MBD5: variants seen among roughly 807,000 people sequenced by gnomAD.
The protein encoded by MBD5 is methyl-CpG-binding domain protein 5.
MBD5 carries 13 observed loss-of-function variants against 117.3 expected under a neutral mutation model. The observed-to-expected ratio is 0.11, with a 90% confidence interval of 0.07 to 0.18. The LOEUF is 0.18. Ranked by LOEUF, MBD5 falls within the 10% of genes least tolerant of loss-of-function variation. The pLI is 1.00. For synonymous variants in MBD5, 727 were observed against 766.4 expected, an observed-to-expected ratio of 0.95 and a Z score of 0.85; for missense variants, 1,879 against 2,093.8, an observed-to-expected ratio of 0.90 and a Z score of 2.00.
rs1364618613 is a variant in MBD5 at position 148,477,899 on chromosome 2, C to G, written c.2519-5211C>G. ...TATTAATTTAGAAAAGGTTTCTTAG[C>G]ATAAAGTAGTATTTGTTCAAAATTA... On this transcript the variant is annotated intron_variant, in intron 8 of 13. Coordinates refer to ENST00000642680, the MANE Select transcript of MBD5 (RefSeq NM_001378120.1). Among the ~76,000 whole-genome samples, 4 of 152,060 alleles carry G rather than the reference C, an allele frequency of 2.6e-5. No individual in the cohort carries two copies. In the South Asian group the frequency reaches 6.2e-4, roughly 24 times the overall value.
chr2:148,037,227 C>T (rs963318616), intron 1 of MBD5, among the ~76,000 whole-genome samples: 1 of 151,852 alleles, frequency 6.6e-6, no homozygotes, highest in African/African-American at 2.4e-5. Flanking sequence ...TTTCAAATAA[C>T]CAAGTATTGA....
chr2:148,362,109 G>T (rs1337779358), intron 4 of MBD5, among the ~76,000 whole-genome samples: 1 of 152,176 alleles, frequency 6.6e-6, no homozygotes, highest in Non-Finnish European at 1.5e-5. Context: ...TCATACCCCA[G>T]TGGCCCCTGG....
At chr2:148,505,059 C>G (rs1389313332) in intron 12 of MBD5, among the ~76,000 whole-genome samples, 1 of 152,042 alleles carries the variant, frequency 6.6e-6, no homozygotes, top group East Asian at 1.9e-4. Context: ...AAACCAGGAG[C>G]TGGTGGAGTT....
intron 3 of MBD5, among the ~76,000 whole-genome samples, chr2:148,280,235 G>C (rs905062247): frequency 1.3e-5 from 2 of 149,934 alleles, no homozygotes; most frequent in Non-Finnish European, 3.0e-5. Context: ...GTCTAAAATT[G>C]CTTAGTGTAT....
intron 12 of MBD5, among the ~76,000 whole-genome samples, chr2:148,508,252 G>C (rs1189518608): frequency 6.6e-6 from 1 of 151,916 alleles, no homozygotes; most frequent in Non-Finnish European, 1.5e-5. Flanking sequence ...AACTGGAATG[G>C]GTAGGTAAAA....
intron 1 of MBD5, among the ~76,000 whole-genome samples, chr2:148,171,962 C>T (rs1333650372): frequency 6.6e-6 from 1 of 152,206 alleles, no homozygotes; most frequent in Non-Finnish European, 1.5e-5. Flanking sequence ...CACTTGACAC[C>T]AGGAGTTCAT....
rs931323324 is a variant in MBD5, at chr2:148,200,212, C to G, written c.-831+21419C>G. 2.0e-5 allele frequency among the ~76,000 whole-genome samples: 3 copies of G among 149,426 alleles called. No individual in the cohort carries two copies. The Admixed American group carries it at 2.0e-4, about 10-fold the overall frequency. Reference sequence around the variant, plus strand: ...TTTTCCCCCCTAAGATTTAAATTTTCTAATGCATATGTAATCTACATATTT... The same window carrying G: ...TTTTCCCCCCTAAGATTTAAATTTTGTAATGCATATGTAATCTACATATTT... On this transcript the variant is annotated intron_variant, in intron 2 of 13. Coordinates refer to ENST00000642680, the MANE Select transcript of MBD5 (RefSeq NM_001378120.1).
intron 2 of MBD5, among the ~76,000 whole-genome samples, chr2:148,213,404 C>A (rs971637756): frequency 3.3e-5 from 5 of 151,988 alleles, no homozygotes; most frequent in Admixed American, 6.6e-5. Flanking sequence ...AGTAAATGAT[C>A]TGCTTTTATT....
chr2:148,143,031 T>A (rs1220081457), intron 1 of MBD5, among the ~76,000 whole-genome samples: 1 of 152,206 alleles, frequency 6.6e-6, no homozygotes, highest in Non-Finnish European at 1.5e-5. Flanking sequence ...TGGGTAGAAA[T>A]GGCAATTATA....
In MBD5 at chr2:148,157,563, T is replaced by C. The variant is rs893166775; in HGVS notation, c.-924-21137T>C. 3.3e-5 allele frequency among the ~76,000 whole-genome samples: 5 copies of C among 152,148 alleles called. No homozygotes were observed. In the South Asian group the frequency reaches 1.0e-3, roughly 31 times the overall value. ...ATAGCAGCCTGCAAAGCATCCGCCA[T>C]AAAAACTACTACAAATGCCTCATAG... On this transcript the variant is annotated intron_variant, in intron 1 of 13. Transcript: ENST00000642680.
intron 3 of MBD5, among the ~76,000 whole-genome samples, chr2:148,333,380 G>T (rs1702709859): frequency 6.6e-6 from 1 of 152,086 alleles, no homozygotes; most frequent in African/African-American, 2.4e-5. Flanking sequence ...TTTCTTTTGG[G>T]CCTGTTAGAT....
At chr2:148,313,950 T>G (rs769123734) in intron 3 of MBD5, among the ~76,000 whole-genome samples, 2 of 151,986 alleles carry the variant, frequency 1.3e-5, no homozygotes, top group African/African-American at 2.4e-5. Context: ...CTGCTTCTGC[T>G]TGCCCTCCAT....
chr2:148,047,449 T>G (rs1180176550), intron 1 of MBD5, among the ~76,000 whole-genome samples: 1 of 152,204 alleles, frequency 6.6e-6, no homozygotes, highest in Non-Finnish European at 1.5e-5. Context: ...ATTCTAGATG[T>G]TTTTTACATC....
intron 3 of MBD5, among the ~76,000 whole-genome samples, chr2:148,294,395 T>G (rs1701585556): frequency 1.3e-5 from 2 of 150,906 alleles, no homozygotes; most frequent in Non-Finnish European, 1.5e-5. Context: ...CGGCTAATTT[T>G]TTGTATTTTT....
At chr2:148,101,316 G>A (rs1289828270) in intron 1 of MBD5, among the ~76,000 whole-genome samples, 3 of 151,862 alleles carry the variant, frequency 2.0e-5, no homozygotes, top group Non-Finnish European at 4.4e-5. Flanking sequence ...AAAAAAATTA[G>A]CCAGGCATGG....
intron 2 of MBD5, among the ~76,000 whole-genome samples, chr2:148,180,328 TA>T (rs1001166823): frequency 4.9e-5 from 2 of 41,110 alleles, no homozygotes; most frequent in East Asian, 7.4e-4. Context: ...ATCCTTCTAG[TA>T]AAAAAAAATT....
At chr2:148,392,854 C>A (rs1406620151) in intron 4 of MBD5, among the ~76,000 whole-genome samples, 1 of 152,114 alleles carries the variant, frequency 6.6e-6, no homozygotes, top group Non-Finnish European at 1.5e-5. Flanking sequence ...GAATTATTTT[C>A]TCTTTATTTA....
intron 2 of MBD5, among the ~76,000 whole-genome samples, chr2:148,190,943 C>T (rs1380026036): frequency 1.4e-5 from 2 of 143,980 alleles, no homozygotes; most frequent in Admixed American, 1.4e-4. Flanking sequence ...CAAAAAAAGG[C>T]AGGGGTTGCA....
chr2:148,377,847 G>A (rs971347290), intron 4 of MBD5, among the ~76,000 whole-genome samples: 5 of 152,150 alleles, frequency 3.3e-5, no homozygotes, highest in Non-Finnish European at 7.4e-5. Flanking sequence ...AGAAGAGAAG[G>A]ATAGTAGTTC....
Sources: allele counts gnomAD v4.1 joint callset (sites outside exome capture counted in the v4.1 genomes callset), GRCh38; gene constraint gnomAD v4.1.1; transcripts MANE v1.5; gene names NCBI Gene and HGNC (gene_info 2026-07-23, HGNC 2026-07-21).